PER3: variants seen among roughly 807,000 people sequenced by gnomAD.
PER3 encodes period circadian protein homolog 3.
A neutral mutation model predicts 127.2 loss-of-function variants in PER3; 107 were observed. That is an observed-to-expected ratio of 0.84 (90% CI 0.72 to 0.99). The LOEUF (loss-of-function observed/expected upper bound fraction) is 0.99, where lower values mean the gene tolerates loss of function less well. Among genes scored for constraint, PER3 ranks in the 50% least tolerant of loss-of-function variants. The probability of loss-of-function intolerance (pLI) is 0.00; values close to 1 mark genes in which losing one functional copy is unlikely to be tolerated. For synonymous variants in PER3, 618 were observed against 585.8 expected, an observed-to-expected ratio of 1.05 and a Z score of -0.79; for missense variants, 1,560 against 1,525.8, an observed-to-expected ratio of 1.02 and a Z score of -0.37.
At chr1:7,801,824 A>AT in intron 8 of PER3, among the ~76,000 whole-genome samples, 1 of 152,216 alleles carries the variant, frequency 6.6e-6, no homozygotes, top group South Asian at 2.1e-4. Context: ...AGTATCCCGC[A>AT]TTTTTTCCCC....
intron 21 of PER3, among the ~76,000 whole-genome samples, chr1:7,839,081 C>G (rs917631917): frequency 1.3e-5 from 2 of 152,054 alleles, no homozygotes; most frequent in Non-Finnish European, 2.9e-5. Flanking sequence ...AAATGTAATG[C>G]CCTGCTCATT....
At position 7,788,026 on chromosome 1, in the gene PER3, T is replaced by C. The variant is rs368619694; in HGVS notation, c.391-19T>C. The C allele has an allele frequency of 9.6e-6, 15 of 1,564,674 alleles. No homozygotes were observed. Among genetic ancestry groups the C allele is most frequent in the Admixed American group, 5.0e-5 (3 of 59,890 alleles). On this transcript the variant is annotated intron_variant, in intron 4 of 21. Coordinates refer to ENST00000377532, the MANE Select transcript of PER3 (RefSeq NM_001377275.1). Reference sequence around the variant, plus strand: ...GTGAGTATCTCAATATTTGCATTTATTTTAAATGTTTTTCATAGGATACCT... The same window carrying C: ...GTGAGTATCTCAATATTTGCATTTACTTTAAATGTTTTTCATAGGATACCT...
rs1276345002 is a variant in PER3 at position 7,842,718 on chromosome 1, C to T, written c.3596C>T (p.Thr1199Ile). 6.2e-7 allele frequency: 1 copy of T among 1,613,368 alleles called. No individual in the cohort carries two copies. Among genetic ancestry groups the T allele is most frequent in the Non-Finnish European group, 8.5e-7 (1 of 1,179,552 alleles). ...ENEDSADGAA[T>I]SCGQVLVEDS... ...GAAGATTCAGCTGATGGTGCGGCCACATCCTGTGGTCAGGTTCTGGTAGAA... is the reference window on the plus strand; with the variant it reads ...GAAGATTCAGCTGATGGTGCGGCCATATCCTGTGGTCAGGTTCTGGTAGAA... The change falls in exon 22 of 22, where the codon ACA becomes ATA. Residue 1199 changes from threonine (T) to isoleucine (I), a missense_variant. Coordinates refer to ENST00000377532, the MANE Select transcript of PER3 (RefSeq NM_001377275.1).
In PER3 at chr1:7,786,797, G is replaced by A. The variant is rs765041759; in HGVS notation, c.351G>A (p.Glu117=). Residue 117 remains glutamate, a synonymous_variant, in exon 4 of 22, where the codon GAG becomes GAA. Coordinates refer to ENST00000377532, the MANE Select transcript of PER3 (RefSeq NM_001377275.1). ...ATGTGAGCATGTACAGTCTTGAGGA[G>A]CTGGCCACTATCGCTTCAGAACACA... ...QADVSMYSLE[E]LATIASEHTS... 4 of 1,610,246 alleles carry A rather than the reference G, an allele frequency of 2.5e-6. No homozygotes were observed. The East Asian group carries it at 8.9e-5, about 36-fold the overall frequency.
intron 13 of PER3, among the ~76,000 whole-genome samples, chr1:7,814,024 C>T (rs953699589): frequency 1.2e-4 from 19 of 152,172 alleles, no homozygotes; most frequent in African/African-American, 4.3e-4. Context: ...GGAAATGTAA[C>T]ATCTGTAACA....
chr1:7,831,531 G>C (rs1263912170), intron 19 of PER3, among the ~76,000 whole-genome samples: 1 of 152,152 alleles, frequency 6.6e-6, no homozygotes, highest in Non-Finnish European at 1.5e-5. Flanking sequence ...ACAGTCTTAA[G>C]GGGAAAGCAG....
In PER3 at chr1:7,843,024, T is replaced by C. The variant is rs1338803909; in HGVS notation, c.*269T>C. 2 of 208,736 alleles carry C rather than the reference T, an allele frequency of 9.6e-6. No homozygotes were observed. Among genetic ancestry groups the C allele is most frequent in the South Asian group, 2.9e-4 (2 of 6,832 alleles). 12.9% of individuals were successfully genotyped at this position (208,736 alleles called of 1,614,324 possible). Reference sequence around the variant, plus strand: ...AGATTGGATGGCCTCTAAAGAGGTATGTGTATCTTTATTTCAGATGTCACC... The same window carrying C: ...AGATTGGATGGCCTCTAAAGAGGTACGTGTATCTTTATTTCAGATGTCACC... On this transcript the variant is annotated 3_prime_UTR_variant, in exon 22 of 22. Transcript: ENST00000377532.
intron 20 of PER3, among the ~76,000 whole-genome samples, chr1:7,836,640 C>G (rs1223873767): frequency 6.6e-6 from 1 of 152,130 alleles, no homozygotes; most frequent in African/African-American, 2.4e-5. Context: ...CAGATCCAGA[C>G]TAAACAGATC....
At chr1:7,832,901 T>C (rs1335370627) in intron 19 of PER3, among the ~76,000 whole-genome samples, 2 of 151,092 alleles carry the variant, frequency 1.3e-5, no homozygotes, top group Non-Finnish European at 2.9e-5. Context: ...TGCAGTGGCA[T>C]GATCCCAGCT....
rs1172928170 is a variant in PER3 at position 7,820,463 on chromosome 1, C to G, written c.1784-4C>G. 1 of 1,607,698 alleles carries G rather than the reference C, an allele frequency of 6.2e-7. No homozygotes were observed. The highest frequency in any genetic ancestry group is 8.5e-7 in the Non-Finnish European group (1 of 1,177,264). On this transcript the variant is annotated splice_polypyrimidine_tract_variant and splice_region_variant and intron_variant, in intron 15 of 21. Transcript: ENST00000377532. ...TTCACTGTCAGTTTCTCTTACACCA[C>G]CAGCTGGTTTGCAAATCCCAGCCAT... is the stretch of plus-strand genomic sequence containing the variant.
At position 7,819,337 on chromosome 1, in the gene PER3, G is replaced by T; in HGVS notation, c.1575G>T (p.Val525=). The change falls in exon 14 of 22, where the codon GTG becomes GTT. Residue 525 remains valine, a synonymous_variant. Transcript: ENST00000377532. ...ACCAAACACTGAAAAACAATAGTGT[G>T]TACACTGAGCCCTGTGAGGATTTGA... The part of the protein sequence containing the change: ...SFHQTLKNNS[V]YTEPCEDLRN... The T allele has an allele frequency of 6.2e-7, 1 of 1,613,248 alleles. No individual in the cohort carries two copies. Among genetic ancestry groups the T allele is most frequent in the Non-Finnish European group, 8.5e-7 (1 of 1,179,180 alleles).
chr1:7,833,826 C>T (rs895730139), intron 19 of PER3, among the ~76,000 whole-genome samples: 2 of 152,090 alleles, frequency 1.3e-5, no homozygotes, highest in Admixed American at 1.3e-4. Context: ...TTTTTTTCCT[C>T]CTACCCTCCT....
chr1:7,829,148 C>G lies in PER3; in HGVS notation c.2887-686C>G, dbSNP rs368126787. On this transcript the variant is annotated intron_variant, in intron 18 of 21. Transcript: ENST00000377532. The stretch of plus-strand genomic sequence containing the variant: ...TCTCCCTTACCCAGGGGATATGTTT[C>G]AAACCCATGGTGGATGCCGGAAACC... 3.3e-4 allele frequency among the ~76,000 whole-genome samples: 51 copies of G among 152,266 alleles called. 1 individual carries two copies. In the South Asian group the frequency reaches 0.01, roughly 30 times the overall value.
At position 7,829,933 on chromosome 1, in the gene PER3, GCC is replaced by G; in HGVS notation, c.2987_2988del (p.Ala996GlufsTer86). ...PPRENPSHPTASALSTGSPPM... is the reference protein window; with the variant it reads ...PPRENPSHPTXSALSTGSPPM... ...CAGGGAGAATCCATCCCATCCTACTGCCAGCGCTCTGTCCACAGGATCGCCTC... is the reference window on the plus strand; with the variant it reads ...CAGGGAGAATCCATCCCATCCTACTGAGCGCTCTGTCCACAGGATCGCCTC... On this transcript the variant is annotated frameshift_variant, in exon 19 of 22. Transcript: ENST00000377532. LOFTEE classifies it high-confidence loss of function. 3 of 1,279,300 alleles carry G rather than the reference GCC, an allele frequency of 2.3e-6. No individual in the cohort carries two copies. Among genetic ancestry groups the G allele is most frequent in the Non-Finnish European group, 3.0e-6 (3 of 998,154 alleles). The allele number at this position is 1,279,300 out of a possible 1,614,324, so 79.2% of individuals were successfully genotyped here. A position where few individuals can be genotyped will look rare whatever the true frequency, so the allele number is the denominator to read the frequency against.
Position 7,788,151 on chromosome 1 carries a change from A to T in PER3, c.497A>T (p.His166Leu), listed in dbSNP as rs778831783. 1 of 1,613,948 alleles carries T rather than the reference A, an allele frequency of 6.2e-7. No homozygotes were observed. Among genetic ancestry groups the T allele is most frequent in the South Asian group, 1.1e-5 (1 of 91,078 alleles). Residue 166 changes from histidine to leucine, a missense_variant, in exon 5 of 22, where the codon CAC (histidine) becomes CTC (leucine). Around this residue, in one of 3 missense-constraint regions of PER3, gnomAD observed 1,332 missense variants for 1,223.6 expected, o/e 1.09. Transcript: ENST00000377532. ...NRKKDVLASS[H>L]FVDLLAPQDM... ...AAGAAAGATGTCCTGGCGTCTTCTCACTTTGTTGACCTGCTTGCACCTCAA... is the reference window on the plus strand; with the variant it reads ...AAGAAAGATGTCCTGGCGTCTTCTCTCTTTGTTGACCTGCTTGCACCTCAA...
rs753639232 is a variant in PER3 at position 7,819,337 on chromosome 1, G to C, written c.1575G>C (p.Val525=). Residue 525 remains valine, a synonymous_variant, in exon 14 of 22, where the codon GTG becomes GTC. Coordinates refer to ENST00000377532, the MANE Select transcript of PER3 (RefSeq NM_001377275.1). The part of the protein sequence containing the change: ...SFHQTLKNNS[V]YTEPCEDLRN... Reference sequence around the variant, plus strand: ...ACCAAACACTGAAAAACAATAGTGTGTACACTGAGCCCTGTGAGGATTTGA... The same window carrying C: ...ACCAAACACTGAAAAACAATAGTGTCTACACTGAGCCCTGTGAGGATTTGA... The C allele has an allele frequency of 2.5e-6, 4 of 1,613,248 alleles. No individual in the cohort carries two copies. In the South Asian group the frequency reaches 4.4e-5, roughly 18 times the overall value.
chr1:7,832,049 T>A (rs228663), intron 19 of PER3, among the ~76,000 whole-genome samples: 35,237 of 152,084 alleles, frequency 0.23, 4,678 homozygotes, highest in Non-Finnish European at 0.29. Context: ...TAACAACAAA[T>A]TTAAATATTT....
At chr1:7,827,045 A>G in intron 17 of PER3, 73 bp from the exon 18 acceptor site, 1 of 1,160,534 alleles carries the variant, frequency 8.6e-7, no homozygotes. Context: ...ACTTATAACT[A>G]CCTGTAAGTG....
Position 7,784,666 on chromosome 1 carries a change from A to G in PER3, c.-212A>G. 2.1e-6 allele frequency: 1 copy of G among 474,252 alleles called. No individual in the cohort carries two copies. The highest frequency in any genetic ancestry group is 5.3e-4 in the Middle Eastern group (1 of 1,888). The allele number at this position is 474,252 out of a possible 1,614,324, so 29.4% of individuals were successfully genotyped here. A position where few individuals can be genotyped will look rare whatever the true frequency, so the allele number is the denominator to read the frequency against. On this transcript the variant is annotated 5_prime_UTR_variant, in exon 2 of 22. Transcript: ENST00000377532. ...CTCCTCCCCCTAGGCCGGAGTCCTGAAAGTCGAGCGAGCTCCGGGTTTTGA... is the reference window on the plus strand; with the variant it reads ...CTCCTCCCCCTAGGCCGGAGTCCTGGAAGTCGAGCGAGCTCCGGGTTTTGA...
Sources: gnomAD v4.1 joint callset for allele counts (sites outside exome capture counted in the v4.1 genomes callset) on GRCh38, gnomAD v4.1.1 for gene constraint, gnomAD v4.1.1 regional missense constraint, MANE v1.5 for transcripts, NCBI Gene and HGNC (gene_info 2026-07-23, HGNC 2026-07-21) for gene names.